The following RSPH14 variants were observed in gnomAD, a reference collection of about 807,000 sequenced individuals.
The protein encoded by RSPH14 is radial spoke head 14 homolog.
In RSPH14, 20 loss-of-function variants were observed where a neutral mutation model predicts 26.7. The observed-to-expected ratio is 0.75, with a 90% CI of 0.53 to 1.09. RSPH14 has a LOEUF of 1.09. RSPH14 is among the 50% of genes least tolerant of loss of function. The probability of loss-of-function intolerance (pLI) is 0.00; values close to 1 mark genes in which losing one functional copy is unlikely to be tolerated. For missense variants in RSPH14, 449 were observed against 457.2 expected, an observed-to-expected ratio of 0.98 and a Z score of 0.16; for synonymous variants, 177 against 189.3, an observed-to-expected ratio of 0.93 and a Z score of 0.53.
chr22:23,063,937 G>C lies in RSPH14; in HGVS notation c.618C>G (p.Ile206Met). Reference protein sequence around the residue: ...KQKLLSANQNIRSKAARALLN... With the variant: ...KQKLLSANQNMRSKAARALLN... Reference sequence around the variant, plus strand: ...GGAGCGCACGGGCGGCCTTGCTGCGGATGTTCTGGTTGGCGCTGAGGAGCT... The same window carrying C: ...GGAGCGCACGGGCGGCCTTGCTGCGCATGTTCTGGTTGGCGCTGAGGAGCT... Residue 206 changes from isoleucine (I) to methionine (M), a missense_variant, in exon 5 of 7, where the codon ATC (isoleucine) becomes ATG (methionine). Ile to Met is a conservative substitution (Grantham distance 10). Transcript: ENST00000216036. 2 of 1,614,190 alleles carry C rather than the reference G, an allele frequency of 1.2e-6. No individual in the cohort carries two copies. Among genetic ancestry groups the C allele is most frequent in the Non-Finnish European group, 1.7e-6 (2 of 1,180,026 alleles).
At chr22:23,096,068 C>T (rs149147451) in intron 4 of RSPH14, 232 of 1,608,224 alleles carry the variant, frequency 1.4e-4, no homozygotes, top group Non-Finnish European at 1.8e-4. Flanking sequence ...ACCCGAGCTG[C>T]TGGGTGTCAT....
chr22:23,064,901 A>G (rs1439164927), intron 4 of RSPH14, among the ~76,000 whole-genome samples: 1 of 152,168 alleles, frequency 6.6e-6, no homozygotes, highest in Admixed American at 6.5e-5. Flanking sequence ...TAGAGAACCC[A>G]GCACGAGTGG....
the RSPH14 span, among the ~76,000 whole-genome samples, chr22:23,160,047 C>T: frequency 6.6e-6 from 1 of 152,206 alleles, no homozygotes; most frequent in African/African-American, 2.4e-5. Context: ...TACGCAGGGC[C>T]TGGCACATAA....
the RSPH14 span, among the ~76,000 whole-genome samples, chr22:23,175,713 TC>T: frequency 6.6e-6 from 1 of 152,184 alleles, no homozygotes; most frequent in East Asian, 1.9e-4. Context: ...TGAAGCCCCC[TC>T]CTCCTGCTGA....
chr22:23,109,210 A>G (rs1305222355), intron 4 of RSPH14, among the ~76,000 whole-genome samples: 1 of 152,126 alleles, frequency 6.6e-6, no homozygotes, highest in Non-Finnish European at 1.5e-5. Context: ...CCTCTGGGGT[A>G]AGGTAGAGTT....
chr22:23,143,330 A>AATAAATAG (rs754874536), upstream of RSPH14, among the ~76,000 whole-genome samples: 8 of 145,326 alleles, frequency 5.5e-5, no homozygotes, highest in Admixed American at 1.4e-4. Flanking sequence ...TAAATAAATA[A>AATAAATAG]ATAGATATAA....
rs1366387037 is a variant in RSPH14, at chr22:23,082,079, C to T, written c.422-17946G>A. Among the ~76,000 whole-genome samples the T allele has an allele frequency of 1.2e-4, 17 of 146,200 alleles. No individual in the cohort carries two copies. In the East Asian group the frequency reaches 2.8e-3, roughly 24 times the overall value. On this transcript the variant is annotated intron_variant, in intron 4 of 6. Transcript: ENST00000216036. ...CGCGGAGCTTGCAGTGAGCCGAGAT[C>T]GTGCCGCTGCACTCCAGCCTGGGCG...
upstream of RSPH14, chr22:23,146,103 A>G (rs1354066995): frequency 2.4e-6 from 2 of 824,442 alleles, no homozygotes; most frequent in Admixed American, 6.2e-5. Flanking sequence ...ACTCCCAGGC[A>G]GGGTGGGGCA....
chr22:23,112,375 C>T (rs2069680606), intron 4 of RSPH14, among the ~76,000 whole-genome samples: 4 of 152,160 alleles, frequency 2.6e-5, no homozygotes, highest in South Asian at 2.1e-4. Flanking sequence ...CTCCCAAGAC[C>T]GTGGGAGGTC....
the RSPH14 span, chr22:23,162,424 C>T: frequency 2.8e-6 from 1 of 356,258 alleles, no homozygotes; most frequent in Non-Finnish European, 5.6e-6. Context: ...TCATGCTGGG[C>T]CTGTGCCCAC....
At chr22:23,089,026 C>T (rs1287409095) in intron 4 of RSPH14, among the ~76,000 whole-genome samples, 1 of 152,184 alleles carries the variant, frequency 6.6e-6, no homozygotes, top group East Asian at 1.9e-4. Context: ...TGAACCATCA[C>T]TTCGTCTTGG....
intron 4 of RSPH14, among the ~76,000 whole-genome samples, chr22:23,119,487 C>T (rs2069947306): frequency 6.6e-6 from 1 of 152,226 alleles, no homozygotes; most frequent in Non-Finnish European, 1.5e-5. Context: ...GGAACAAACC[C>T]ACGATGCAGC....
At chr22:23,059,801 C>A in intron 6 of RSPH14, 83 bp from the exon 7 acceptor site, 1 of 1,417,956 alleles carries the variant, frequency 7.1e-7, no homozygotes, top group East Asian at 2.3e-5. Context: ...TCTCCTGACC[C>A]TCCTCCTTGT....
intron 4 of RSPH14, among the ~76,000 whole-genome samples, chr22:23,117,496 G>T (rs2069881425): frequency 6.6e-6 from 1 of 152,200 alleles, no homozygotes; most frequent in African/African-American, 2.4e-5. Flanking sequence ...CCTGCATTTG[G>T]GTAGCCTTCC....
upstream of RSPH14, among the ~76,000 whole-genome samples, chr22:23,149,259 C>T (rs2070968864): frequency 6.6e-6 from 1 of 152,204 alleles, no homozygotes; most frequent in African/African-American, 2.4e-5. Context: ...TCAATGGTGT[C>T]CTTCTCCCCA....
At chr22:23,174,442 T>C in the RSPH14 span, among the ~76,000 whole-genome samples, 3 of 152,126 alleles carry the variant, frequency 2.0e-5, no homozygotes, top group Admixed American at 1.3e-4. Context: ...AATAGAATCA[T>C]GTAACCACAC....
intron 4 of RSPH14, among the ~76,000 whole-genome samples, chr22:23,127,419 G>A (rs2070211590): frequency 6.6e-6 from 1 of 152,222 alleles, no homozygotes; most frequent in Non-Finnish European, 1.5e-5. Flanking sequence ...CTGGGGTTCT[G>A]GTGCACCCTG....
intron 4 of RSPH14, among the ~76,000 whole-genome samples, chr22:23,086,381 G>A (rs563789867): frequency 6.6e-6 from 1 of 152,360 alleles, no homozygotes; most frequent in South Asian, 2.1e-4. Context: ...AGCATGAGAT[G>A]ACGTGTGTGA....
chr22:23,095,556 G>T, intron 4 of RSPH14: 1 of 902,426 alleles, frequency 1.1e-6, no homozygotes, highest in East Asian at 2.6e-5. Flanking sequence ...GCTGCAGTGT[G>T]GCTCGGCCTC....
Sources: gnomAD v4.1 joint callset for allele counts (sites outside exome capture counted in the v4.1 genomes callset) on GRCh38, gnomAD v4.1.1 for gene constraint, MANE v1.5 for transcripts, NCBI Gene and HGNC (gene_info 2026-07-23, HGNC 2026-07-21) for gene names.